The following KCNMA1 variants were observed in gnomAD, a reference collection of about 807,000 sequenced individuals.
KCNMA1 encodes the protein Calcium-activated potassium channel subunit alpha-1.
KCNMA1 carries 29 observed loss-of-function variants against 140.0 expected under a neutral mutation model. That is an observed-to-expected ratio of 0.21 (90% CI 0.15 to 0.28). The LOEUF is 0.28. Among genes scored for constraint, KCNMA1 ranks in the 10% least tolerant of loss-of-function variants. KCNMA1 has a pLI of 1.00. For synonymous variants in KCNMA1, 612 were observed against 611.9 expected (o/e 1.00, Z 0.00); for missense variants, 880 against 1,602.2 (o/e 0.55, Z 7.70).
chr10:76,878,209 A>C (rs1040105530), intron 29 of KCNMA1, among the ~76,000 whole-genome samples: 1 of 152,110 alleles, frequency 6.6e-6, no homozygotes, highest in Admixed American at 6.5e-5. Context: ...TGGCCAGAAA[A>C]GGTTTGGTGG....
intron 1 of KCNMA1, among the ~76,000 whole-genome samples, chr10:77,626,058 G>T (rs1477931605): frequency 1.3e-5 from 2 of 151,280 alleles, no homozygotes; most frequent in African/African-American, 4.9e-5. Context: ...CCTAACAGAT[G>T]TGACTGTGTC....
chr10:77,325,336 G>A (rs1023972044), intron 2 of KCNMA1, among the ~76,000 whole-genome samples: 1 of 152,142 alleles, frequency 6.6e-6, no homozygotes, highest in Non-Finnish European at 1.5e-5. Flanking sequence ...GTCGAGGAGA[G>A]CAGGTGTGGC....
At chr10:77,442,259 C>T (rs1285799921) in intron 1 of KCNMA1, among the ~76,000 whole-genome samples, 5 of 152,144 alleles carry the variant, frequency 3.3e-5, no homozygotes, top group Non-Finnish European at 7.3e-5. Context: ...GGAATGGACT[C>T]CTCTGGATCC....
intron 2 of KCNMA1, among the ~76,000 whole-genome samples, chr10:77,366,844 AT>A (rs2094395660): frequency 6.6e-6 from 1 of 152,162 alleles, no homozygotes; most frequent in East Asian, 1.9e-4. Context: ...AATGTCCTTC[AT>A]TATTTTCCCC....
chr10:77,545,279 G>A (rs1403413534), intron 1 of KCNMA1, among the ~76,000 whole-genome samples: 1 of 152,120 alleles, frequency 6.6e-6, no homozygotes, highest in Non-Finnish European at 1.5e-5. Flanking sequence ...TGTATTATAT[G>A]CATTTTTCAA....
At chr10:77,523,200 C>T (rs1442530710) in intron 1 of KCNMA1, among the ~76,000 whole-genome samples, 4 of 129,442 alleles carry the variant, frequency 3.1e-5, no homozygotes, top group East Asian at 6.1e-4. Flanking sequence ...CAACCTTGGA[C>T]GTGCCCCCCC....
At chr10:77,260,363 G>A (rs1468572158) in intron 2 of KCNMA1, among the ~76,000 whole-genome samples, 14 of 152,130 alleles carry the variant, frequency 9.2e-5, no homozygotes, top group Non-Finnish European at 1.5e-5. Context: ...GAGAAAACAG[G>A]TTTCTACAAG....
intron 1 of KCNMA1, among the ~76,000 whole-genome samples, chr10:77,592,034 G>A (rs937188588): frequency 3.3e-5 from 5 of 152,164 alleles, no homozygotes; most frequent in African/African-American, 2.4e-5. Flanking sequence ...GACTGAGCAT[G>A]GGTGCGAGGC....
intron 5 of KCNMA1, chr10:77,140,192 C>T (rs2098134059): frequency 1.3e-5 from 2 of 152,534 alleles, no homozygotes; most frequent in African/African-American, 2.4e-5. Flanking sequence ...TAGACAGTTC[C>T]CCAAATCCAG....
At chr10:77,447,218 T>C (rs1317774752) in intron 1 of KCNMA1, among the ~76,000 whole-genome samples, 2 of 152,246 alleles carry the variant, frequency 1.3e-5, no homozygotes, top group Non-Finnish European at 2.9e-5. Context: ...ATCATCTCTG[T>C]TGGATAAATC....
chr10:77,518,178 C>T (rs2051283400), intron 1 of KCNMA1, among the ~76,000 whole-genome samples: 1 of 152,194 alleles, frequency 6.6e-6, no homozygotes, highest in African/African-American at 2.4e-5. Context: ...AAAACAGGTT[C>T]CCCATTGCAC....
chr10:77,553,974 C>CT (rs112324832), intron 1 of KCNMA1, among the ~76,000 whole-genome samples: 28,189 of 146,992 alleles, frequency 0.19, 2,813 homozygotes, highest in African/African-American at 0.28. Flanking sequence ...CAGGGATCGA[C>CT]TTTTTTTTTT....
chr10:77,233,502 T>G (rs534989728), intron 3 of KCNMA1, among the ~76,000 whole-genome samples: 8 of 152,238 alleles, frequency 5.3e-5, no homozygotes, highest in Non-Finnish European at 1.2e-4. Flanking sequence ...CCATGGGACA[T>G]GACCAACTCA....
chr10:76,989,714 C>T (rs2082222687), intron 19 of KCNMA1, among the ~76,000 whole-genome samples: 1 of 151,888 alleles, frequency 6.6e-6, no homozygotes, highest in Non-Finnish European at 1.5e-5. Flanking sequence ...GTCTGTTATA[C>T]TAAGCTGTTC....
At chr10:77,065,743 A>G (rs1565875860) in intron 14 of KCNMA1, among the ~76,000 whole-genome samples, 4 of 152,228 alleles carry the variant, frequency 2.6e-5, no homozygotes, top group African/African-American at 9.6e-5. Flanking sequence ...AGTATTTAAC[A>G]GGTTGTACAT....
chr10:77,464,401 A>T (rs145556764), intron 1 of KCNMA1, among the ~76,000 whole-genome samples: 45 of 152,058 alleles, frequency 3.0e-4, no homozygotes, highest in African/African-American at 1.1e-3. Flanking sequence ...TGAAGGACAC[A>T]CTGCAGTCAG....
At chr10:76,976,903 CA>C (rs989094072) in intron 19 of KCNMA1, among the ~76,000 whole-genome samples, 6 of 151,986 alleles carry the variant, frequency 3.9e-5, no homozygotes, top group Non-Finnish European at 8.8e-5. Context: ...AGGAAATGCA[CA>C]ATTGAAAAGA....
chr10:76,896,318 T>A (rs756807439), intron 25 of KCNMA1, among the ~76,000 whole-genome samples: 3 of 152,190 alleles, frequency 2.0e-5, no homozygotes, highest in Non-Finnish European at 4.4e-5. Flanking sequence ...GAAACATGGC[T>A]CTGTTCCACC....
chr10:77,346,037 C>T (rs936319), intron 2 of KCNMA1, among the ~76,000 whole-genome samples: 31,854 of 152,152 alleles, frequency 0.21, 3,571 homozygotes, highest in Admixed American at 0.26. Flanking sequence ...CTTCCCAGGA[C>T]CCTGCATCAT....
Sources: allele counts gnomAD v4.1 joint callset (sites outside exome capture counted in the v4.1 genomes callset), GRCh38; gene constraint gnomAD v4.1.1; transcripts MANE v1.5; gene names NCBI Gene and HGNC (gene_info 2026-07-23, HGNC 2026-07-21).